Variants in STIMATE observed in about 807,000 individuals in gnomAD.
STIMATE encodes STIM activating enhancer, also known as store-operated calcium entry regulator STIMATE.
Under a neutral mutation model 36.7 loss-of-function variants are expected in STIMATE, and 15 were observed. The ratio of observed to expected loss-of-function variants is 0.41; its 90% CI spans 0.27 to 0.63. STIMATE has a LOEUF of 0.63. Ranked by LOEUF, STIMATE falls within the 20% of genes least tolerant of loss-of-function variation. The probability of loss-of-function intolerance (pLI) is 0.32; values close to 1 mark genes in which losing one functional copy is unlikely to be tolerated. For synonymous variants in STIMATE, 163 were observed against 162.3 expected (o/e 1.00, Z -0.03); for missense variants, 305 against 397.3 (o/e 0.77, Z 1.98).
At chr3:52,889,689 G>A (rs892090057) in intron 1 of STIMATE, among the ~76,000 whole-genome samples, 5 of 152,310 alleles carry the variant, frequency 3.3e-5, no homozygotes, top group African/African-American at 1.2e-4. Context: ...GCACTACCAA[G>A]AGGATGGGGG....
intron 1 of STIMATE, among the ~76,000 whole-genome samples, chr3:52,866,854 A>G (rs1701322229): frequency 4.6e-5 from 7 of 152,236 alleles, no homozygotes. Flanking sequence ...TAGCAGCTGC[A>G]GCCCTATTTA....
intron 1 of STIMATE, among the ~76,000 whole-genome samples, chr3:52,857,023 C>T (rs1204267957): frequency 1.3e-5 from 2 of 152,174 alleles, no homozygotes; most frequent in Non-Finnish European, 2.9e-5. Flanking sequence ...CTTGTTACTC[C>T]TGGTGGTGGG....
At chr3:52,896,814 A>C (rs370803731) in intron 1 of STIMATE, among the ~76,000 whole-genome samples, 1 of 152,180 alleles carries the variant, frequency 6.6e-6, no homozygotes, top group African/African-American at 2.4e-5. Flanking sequence ...CCAGGTGTTG[A>C]GAGGGATGCA....
At chr3:52,871,984 C>G (rs1701416087) in intron 1 of STIMATE, among the ~76,000 whole-genome samples, 1 of 152,074 alleles carries the variant, frequency 6.6e-6, no homozygotes, top group Non-Finnish European at 1.5e-5. Context: ...CCCTGCCCCT[C>G]TGGCTCATGC....
intron 4 of STIMATE, among the ~76,000 whole-genome samples, chr3:52,848,810 T>C (rs766534431): frequency 7.9e-5 from 12 of 152,186 alleles, no homozygotes; most frequent in Non-Finnish European, 7.3e-5. Context: ...CCTGGAGCCA[T>C]AGGAGGCACA....
chr3:52,882,221 G>A (rs1701616837), intron 1 of STIMATE, among the ~76,000 whole-genome samples: 1 of 152,144 alleles, frequency 6.6e-6, no homozygotes, highest in Non-Finnish European at 1.5e-5. Context: ...AGACATGACG[G>A]CTGGCTCTCC....
At chr3:52,895,739 A>T in intron 1 of STIMATE, 1 of 438,514 alleles carries the variant, frequency 2.3e-6, no homozygotes, top group South Asian at 2.1e-5. Context: ...CATCAATCAA[A>T]CCTATGGAAA....
intron 1 of STIMATE, among the ~76,000 whole-genome samples, chr3:52,873,939 T>C (rs1204159333): frequency 1.3e-5 from 2 of 152,176 alleles, no homozygotes; most frequent in Admixed American, 6.5e-5. Flanking sequence ...TTCAATCTCA[T>C]AGCGGGCAAC....
At chr3:52,878,093 T>TAA (rs532307762) in intron 1 of STIMATE, among the ~76,000 whole-genome samples, 9 of 112,466 alleles carry the variant, frequency 8.0e-5, no homozygotes, top group Non-Finnish European at 9.4e-5. Context: ...GACTCCGTCT[T>TAA]AAAAAAAAAA....
intron 1 of STIMATE, chr3:52,896,035 A>G: frequency 1.0e-6 from 1 of 999,102 alleles, no homozygotes; most frequent in Non-Finnish European, 1.4e-6. Flanking sequence ...AAAGTGGCAA[A>G]CATAGACAGT....
intron 2 of STIMATE, among the ~76,000 whole-genome samples, chr3:52,854,674 G>A (rs1438464603): frequency 6.6e-6 from 1 of 152,206 alleles, no homozygotes; most frequent in Admixed American, 6.5e-5. Flanking sequence ...GGGGAAGTGG[G>A]GGTTGTGGGA....
In STIMATE at chr3:52,847,562, A is replaced by C. The variant is rs567342812; in HGVS notation, c.427+2230T>G. The C allele has an allele frequency of 1.0e-5, 13 of 1,289,592 alleles. No homozygotes were observed. The Admixed American group carries it at 1.6e-4, about 16-fold the overall frequency. 79.9% of individuals were successfully genotyped at this position (1,289,592 alleles called of 1,614,324 possible). A position where few individuals can be genotyped will look rare whatever the true frequency, so the allele number is the denominator to read the frequency against. On this transcript the variant is annotated intron_variant, in intron 4 of 7. Transcript: ENST00000355083. ...TCTTGGCCTTCTCTTCTAGGAACAAAAGACACATCCTAGAAAAATAAGCCC... is the reference window on the plus strand; with the variant it reads ...TCTTGGCCTTCTCTTCTAGGAACAACAGACACATCCTAGAAAAATAAGCCC...
At chr3:52,881,059 T>G (rs969410196) in intron 1 of STIMATE, among the ~76,000 whole-genome samples, 1 of 152,050 alleles carries the variant, frequency 6.6e-6, no homozygotes, top group Non-Finnish European at 1.5e-5. Context: ...GTGGTGGGCA[T>G]GCCTGTAATC....
At chr3:52,842,225 A>G (rs1381517607) in intron 7 of STIMATE, among the ~76,000 whole-genome samples, 1 of 152,146 alleles carries the variant, frequency 6.6e-6, no homozygotes, top group African/African-American at 2.4e-5. Flanking sequence ...CTGCACGCAG[A>G]TGTGGGGTGA....
intron 1 of STIMATE, among the ~76,000 whole-genome samples, chr3:52,855,767 T>C (rs1236773196): frequency 6.6e-6 from 1 of 152,212 alleles, no homozygotes; most frequent in African/African-American, 2.4e-5. Flanking sequence ...CAGCTGCTTC[T>C]AACTTCAGGA....
chr3:52,849,668 C>G, intron 4 of STIMATE, 124 bp downstream of exon 4: 1 of 1,466,108 alleles, frequency 6.8e-7, no homozygotes, highest in Non-Finnish European at 9.0e-7. Flanking sequence ...CTCTACCACA[C>G]AGAGAAGACA....
At chr3:52,885,243 T>C (rs1289308766) in intron 1 of STIMATE, among the ~76,000 whole-genome samples, 1 of 152,236 alleles carries the variant, frequency 6.6e-6, no homozygotes. Flanking sequence ...TCAGATCCTT[T>C]GCCAATTTTT....
At chr3:52,897,220 G>C in intron 1 of STIMATE, 71 bp downstream of exon 1, 1 of 1,504,556 alleles carries the variant, frequency 6.6e-7, no homozygotes, top group Non-Finnish European at 8.8e-7. Context: ...CCGCGCAGGA[G>C]GGGCCCCCAG....
chr3:52,884,581 C>T (rs1172498655), intron 1 of STIMATE, among the ~76,000 whole-genome samples: 1 of 152,188 alleles, frequency 6.6e-6, no homozygotes, highest in East Asian at 1.9e-4. Context: ...ATTCCTACTA[C>T]CTCAAGGAAA....
Sources: allele counts gnomAD v4.1 joint callset (sites outside exome capture counted in the v4.1 genomes callset), GRCh38; gene constraint gnomAD v4.1.1; transcripts MANE v1.5; gene names NCBI Gene and HGNC (gene_info 2026-07-23, HGNC 2026-07-21).